NEK1: variants seen among roughly 807,000 people sequenced by gnomAD.
The protein encoded by NEK1 is serine/threonine-protein kinase Nek1.
A neutral mutation model predicts 182.1 loss-of-function variants in NEK1; 137 were observed. The observed-to-expected ratio is 0.75, with a 90% CI of 0.65 to 0.87. The LOEUF is 0.87. Ranked by LOEUF, NEK1 falls within the 40% of genes least tolerant of loss-of-function variation. NEK1 has a pLI of 0.00. For missense variants in NEK1, 1,391 were observed against 1,494.4 expected (o/e 0.93, Z 1.14); for synonymous variants, 513 against 492.2 (o/e 1.04, Z -0.56).
intron 2 of NEK1, among the ~76,000 whole-genome samples, chr4:169,606,844 G>C (rs571227683): frequency 6.6e-6 from 1 of 152,310 alleles, no homozygotes; most frequent in South Asian, 2.1e-4. Flanking sequence ...AAACAGCAAT[G>C]CATTGAGGGG....
chr4:169,513,997 A>ATTTT (rs1554054598), intron 19 of NEK1, among the ~76,000 whole-genome samples: 1 of 150,928 alleles, frequency 6.6e-6, no homozygotes, highest in Non-Finnish European at 1.5e-5. Flanking sequence ...TTATTTATTT[A>ATTTT]TTTTTTGAGA....
chr4:169,451,481 C>T (rs1476386463), intron 27 of NEK1, among the ~76,000 whole-genome samples: 1 of 152,184 alleles, frequency 6.6e-6, no homozygotes, highest in Non-Finnish European at 1.5e-5. Context: ...GATTAAGAAA[C>T]TCACTCAAAA....
At chr4:169,436,185 T>C (rs1007155584) in intron 28 of NEK1, among the ~76,000 whole-genome samples, 1 of 152,232 alleles carries the variant, frequency 6.6e-6, no homozygotes, top group East Asian at 1.9e-4. Context: ...ATTACAGGTG[T>C]GAGCCACTGA....
intron 27 of NEK1, among the ~76,000 whole-genome samples, chr4:169,460,960 C>G (rs1320879939): frequency 6.6e-6 from 1 of 152,072 alleles, no homozygotes; most frequent in Non-Finnish European, 1.5e-5. Flanking sequence ...GAGTTTCAAG[C>G]AATCAGAATG....
intron 2 of NEK1, among the ~76,000 whole-genome samples, chr4:169,605,255 T>C (rs1298624523): frequency 2.0e-5 from 3 of 152,216 alleles, no homozygotes; most frequent in Admixed American, 6.5e-5. Flanking sequence ...GTCCCCAGTG[T>C]TGCATTCTAC....
chr4:169,573,495 G>A (rs1765191142), intron 12 of NEK1, among the ~76,000 whole-genome samples: 1 of 152,196 alleles, frequency 6.6e-6, no homozygotes, highest in African/African-American at 2.4e-5. Context: ...AGGCACAAAT[G>A]AAGTGGAGAG....
At chr4:169,582,454 T>C (rs892658251) in intron 10 of NEK1, among the ~76,000 whole-genome samples, 2 of 152,152 alleles carry the variant, frequency 1.3e-5, no homozygotes, top group African/African-American at 4.8e-5. Flanking sequence ...TTGAGAACCT[T>C]TTCACTAGTG....
intron 24 of NEK1, 39 bp downstream of exon 24, chr4:169,479,364 C>A (rs1400480064): frequency 6.4e-6 from 10 of 1,562,968 alleles, no homozygotes; most frequent in South Asian, 1.2e-5. Flanking sequence ...TTTAAATAAT[C>A]TTTTGACTTT....
chr4:169,558,898 T>G (rs2149927524), intron 16 of NEK1, among the ~76,000 whole-genome samples: 1 of 152,300 alleles, frequency 6.6e-6, no homozygotes, highest in South Asian at 2.1e-4. Context: ...ATCTTTCTTT[T>G]GGGGAATCTC....
At chr4:169,610,314 C>CTTT (rs201303669) in intron 2 of NEK1, among the ~76,000 whole-genome samples, 1 of 149,998 alleles carries the variant, frequency 6.7e-6, no homozygotes. Context: ...GAATTTCTTT[C>CTTT]TTTTTTTCTT....
intron 2 of NEK1, among the ~76,000 whole-genome samples, chr4:169,603,921 G>A (rs190023485): frequency 6.6e-6 from 1 of 152,144 alleles, no homozygotes; most frequent in African/African-American, 2.4e-5. Flanking sequence ...GGCTGGTCTT[G>A]AACTCCTGAC....
At chr4:169,557,781 A>G (rs548141754) in intron 16 of NEK1, among the ~76,000 whole-genome samples, 2 of 152,222 alleles carry the variant, frequency 1.3e-5, no homozygotes, top group Non-Finnish European at 2.9e-5. Flanking sequence ...AATACAAAAA[A>G]TTAGCCGGGC....
In NEK1 at chr4:169,563,546, T is replaced by C. The variant is rs115952394; in HGVS notation, c.1021-1350A>G. ...GTAATCATATCAAATGTAAATACGA[T>C]ATGTCTATGTTTTCTCTCCTCTTCC... On this transcript the variant is annotated intron_variant, in intron 12 of 35. Coordinates refer to ENST00000507142, the MANE Select transcript of NEK1 (RefSeq NM_001199397.3). 8.9e-3 allele frequency among the ~76,000 whole-genome samples: 1,349 copies of C among 152,264 alleles called. 22 individuals carry two copies. Among genetic ancestry groups the C allele is most frequent in the African/African-American group, 0.03 (1,267 of 41,544 alleles).
intron 28 of NEK1, among the ~76,000 whole-genome samples, chr4:169,435,659 G>A (rs1738277696): frequency 6.6e-6 from 1 of 152,090 alleles, no homozygotes; most frequent in Admixed American, 6.6e-5. Flanking sequence ...TTTGATATCT[G>A]GAAGCCCAAG....
chr4:169,414,081 C>G (rs1442281942), intron 31 of NEK1, among the ~76,000 whole-genome samples: 1 of 152,140 alleles, frequency 6.6e-6, no homozygotes, highest in African/African-American at 2.4e-5. Context: ...GCAGCTAGAA[C>G]AGTATATAGA....
At chr4:169,538,457 T>C (rs1000761293) in intron 18 of NEK1, among the ~76,000 whole-genome samples, 15 of 126,970 alleles carry the variant, frequency 1.2e-4, no homozygotes, top group African/African-American at 5.1e-4. Context: ...AAACAGTTAT[T>C]TGTTTTAATC....
In NEK1 at chr4:169,479,517, A is replaced by T. The variant is rs1275405259; in HGVS notation, c.2025T>A (p.Val675=). ...VWEEHLVAKG[V]KSSDVSPPLG... The stretch of plus-strand genomic sequence containing the variant: ...AAGGTGGAGAAACATCAGAACTCTT[A>T]ACTCCTTTAGCCACCAACTATAAAA... Residue 675 remains valine (V), a synonymous_variant, in exon 24 of 36, where the codon GTT becomes GTA. Coordinates refer to ENST00000507142, the MANE Select transcript of NEK1 (RefSeq NM_001199397.3). The T allele has an allele frequency of 1.2e-6, 2 of 1,605,588 alleles. No homozygotes were observed. The highest frequency in any genetic ancestry group is 1.7e-6 in the Non-Finnish European group (2 of 1,177,316).
chr4:169,468,287 A>T (rs962356327), intron 26 of NEK1, among the ~76,000 whole-genome samples: 11 of 150,536 alleles, frequency 7.3e-5, no homozygotes, highest in African/African-American at 2.8e-4. Context: ...AATCTAAGGT[A>T]GAAAAAAAAT....
chr4:169,563,810 C>T lies in NEK1; in HGVS notation c.1021-1614G>A, dbSNP rs114372440. Among the ~76,000 whole-genome samples the T allele has an allele frequency of 4.7e-3, 710 of 152,206 alleles. 3 individuals are homozygous for T. The highest frequency in any genetic ancestry group is 0.016 in the African/African-American group (666 of 41,524). On this transcript the variant is annotated intron_variant, in intron 12 of 35. Coordinates refer to ENST00000507142, the MANE Select transcript of NEK1 (RefSeq NM_001199397.3). ...AACAAAAGTTAGTGTTAAGTTTCAC[C>T]GAATTTTCAGCATCTACTGAGATGA...
Sources: gnomAD v4.1 joint callset for allele counts (sites outside exome capture counted in the v4.1 genomes callset) on GRCh38, gnomAD v4.1.1 for gene constraint, MANE v1.5 for transcripts, NCBI Gene and HGNC (gene_info 2026-07-23, HGNC 2026-07-21) for gene names.